PAXIP1: variants seen among roughly 807,000 people sequenced by gnomAD.
PAXIP1 encodes PAX-interacting protein 1.
A neutral mutation model predicts 140.6 loss-of-function variants in PAXIP1; 19 were observed. The ratio of observed to expected loss-of-function variants is 0.14; its 90% confidence interval spans 0.09 to 0.20. The LOEUF is 0.20. Ranked by LOEUF, PAXIP1 falls within the 10% of genes least tolerant of loss-of-function variation. PAXIP1 has a pLI of 1.00. For missense variants in PAXIP1, 920 were observed against 1,208.6 expected (o/e 0.76, Z 3.54); for synonymous variants, 442 against 444.6 (o/e 0.99, Z 0.07).
intron 13 of PAXIP1, among the ~76,000 whole-genome samples, chr7:154,958,285 T>C (rs1808617823): frequency 6.6e-6 from 1 of 152,250 alleles, no homozygotes; most frequent in Admixed American, 6.5e-5. Context: ...ATCTCCATTC[T>C]ACCCTATTCC....
chr7:154,945,858 A>C (rs1215832914), intron 20 of PAXIP1: 13 of 985,236 alleles, frequency 1.3e-5, no homozygotes, highest in African/African-American at 1.7e-5. Context: ...CTGAAATAGA[A>C]AAAAGCCTAG....
intron 14 of PAXIP1, 143 bp from the exon 15 acceptor site, chr7:154,955,774 T>C: frequency 3.8e-6 from 2 of 528,404 alleles, no homozygotes; most frequent in Admixed American, 3.8e-5. Context: ...TACAATGAGC[T>C]ATCTGTCCTT....
rs987417317 is a variant in PAXIP1, at chr7:154,963,323, G to C, written c.1989+348C>G. On this transcript the variant is annotated intron_variant, in intron 9 of 20. Coordinates refer to ENST00000404141, the MANE Select transcript of PAXIP1 (RefSeq NM_007349.4). The surrounding 1 kb of genome is among the most constrained non-coding windows in gnomAD (Gnocchi z 4.1). ...CCTGAGTAGCTGGGATTAGAGCTGC[G>C]CACCACCACACCTGGCTAATTTTTG... Among the ~76,000 whole-genome samples the C allele has an allele frequency of 1.3e-5, 2 of 152,038 alleles. No individual in the cohort carries two copies. Among genetic ancestry groups the C allele is most frequent in the South Asian group, 4.2e-4 (2 of 4,808 alleles).
chr7:155,002,215 T>C (rs1810939111), intron 1 of PAXIP1: 2 of 152,280 alleles, frequency 1.3e-5, no homozygotes, highest in Non-Finnish European at 2.9e-5. Flanking sequence ...TGTGATGGTG[T>C]TACCAGGGTA....
intron 4 of PAXIP1, among the ~76,000 whole-genome samples, chr7:154,990,496 G>C (rs2150781349): frequency 6.6e-6 from 1 of 152,180 alleles, no homozygotes; most frequent in South Asian, 2.1e-4. Context: ...CACCAACACT[G>C]AACACACTGT....
rs115039181 is a variant in PAXIP1, at chr7:154,959,855, G to C, written c.2478+35C>G. 1,217 of 1,428,320 alleles carry C rather than the reference G, an allele frequency of 8.5e-4. 8 individuals are homozygous for C. The African/African-American group carries it at 0.014, about 17-fold the overall frequency. 88.5% of individuals were successfully genotyped at this position (1,428,320 alleles called of 1,614,324 possible). A position where few individuals can be genotyped will look rare whatever the true frequency, so the allele number is the denominator to read the frequency against. On this transcript the variant is annotated intron_variant, in intron 13 of 20. Transcript: ENST00000404141. ...ATCCCTACTGCATCTTAATAATACA[G>C]TAATAGCCAAGGTAAGGTTATTAAT...
rs753190856 is a variant in PAXIP1 at position 154,991,029 on chromosome 7, CA to C, written c.300del (p.Phe100LeufsTer31). On this transcript the variant is annotated frameshift_variant, in exon 4 of 21. Coordinates refer to ENST00000404141, the MANE Select transcript of PAXIP1 (RefSeq NM_007349.4). LOFTEE classifies it high-confidence loss of function. ...ACCTGAGAAAGGCAGGCAGTGATTC[CA>C]AAAAAAATCTGACATGATTCTGGAG... ...GFSPESCQIF[F>X]GITACLSQVS... 140 of 1,541,976 alleles carry C rather than the reference CA, an allele frequency of 9.1e-5. No individual in the cohort carries two copies. The highest frequency in any genetic ancestry group is 3.6e-4 in the Admixed American group (18 of 50,020).
chr7:155,002,495 G>T (rs1019365818), intron 1 of PAXIP1, among the ~76,000 whole-genome samples: 87 of 151,734 alleles, frequency 5.7e-4, no homozygotes, highest in African/African-American at 1.9e-3. Context: ...CCGGCGCGGG[G>T]AATGGGGAGA....
At chr7:154,947,862 T>TA in intron 17 of PAXIP1, 41 bp downstream of exon 17, 1 of 1,390,874 alleles carries the variant, frequency 7.2e-7, no homozygotes, top group Non-Finnish European at 1.0e-6. Flanking sequence ...GTCCGTGTGT[T>TA]ATGCTTACTT....
At chr7:154,970,308 T>C (rs964518402) in intron 6 of PAXIP1, among the ~76,000 whole-genome samples, 1 of 152,224 alleles carries the variant, frequency 6.6e-6, no homozygotes, top group Admixed American at 6.5e-5. Context: ...CTCAAACATA[T>C]TCTAACATGT....
At chr7:154,976,954 A>C (rs1809609777) in intron 5 of PAXIP1, among the ~76,000 whole-genome samples, 1 of 152,244 alleles carries the variant, frequency 6.6e-6, no homozygotes, top group African/African-American at 2.4e-5. Flanking sequence ...CAAATACAAT[A>C]TAAAACCACT....
At chr7:154,960,428 G>A (rs1436597725) in intron 12 of PAXIP1, among the ~76,000 whole-genome samples, 1 of 152,232 alleles carries the variant, frequency 6.6e-6, no homozygotes, top group Non-Finnish European at 1.5e-5. Flanking sequence ...CTGTAGGGTA[G>A]GGAGCAATTT....
intron 2 of PAXIP1, among the ~76,000 whole-genome samples, chr7:154,995,249 G>A (rs1457486393): frequency 6.6e-6 from 1 of 152,332 alleles, no homozygotes; most frequent in African/African-American, 2.4e-5. Context: ...TGTGACCACA[G>A]GTGTGTTCTC....
At position 154,986,278 on chromosome 7, in the gene PAXIP1, G is replaced by C; in HGVS notation, c.325-2946C>G. On this transcript the variant is annotated intron_variant, in intron 4 of 20. Coordinates refer to ENST00000404141, the MANE Select transcript of PAXIP1 (RefSeq NM_007349.4). This position sits in a 1 kb window ranked among gnomAD's most constrained non-coding sequence, Gnocchi z 4.8. ...GGCGTGTGCATGTGAGTGTGTGTGCGCATGGGTGCTCCAGTGTGCAGAAAA... is the reference window on the plus strand; with the variant it reads ...GGCGTGTGCATGTGAGTGTGTGTGCCCATGGGTGCTCCAGTGTGCAGAAAA... 1.3e-6 allele frequency: 1 copy of C among 758,134 alleles called. No homozygotes were observed. The highest frequency in any genetic ancestry group is 1.9e-6 in the Non-Finnish European group (1 of 534,448). 47.0% of individuals were successfully genotyped at this position (758,134 alleles called of 1,614,324 possible). A position where few individuals can be genotyped will look rare whatever the true frequency, so the allele number is the denominator to read the frequency against.
chr7:154,983,546 T>C (rs376662000), intron 4 of PAXIP1: 7 of 372,962 alleles, frequency 1.9e-5, no homozygotes, highest in Non-Finnish European at 3.3e-5. Flanking sequence ...ATGAATTACT[T>C]ATTTTTGCCT....
rs185475478 is a variant in PAXIP1 at position 154,963,580 on chromosome 7, C to A, written c.1989+91G>T. On this transcript the variant is annotated intron_variant, in intron 9 of 20. Coordinates refer to ENST00000404141, the MANE Select transcript of PAXIP1 (RefSeq NM_007349.4). This position sits in a 1 kb window ranked among gnomAD's most constrained non-coding sequence, Gnocchi z 4.1. ...CTATCTTTAGAGGTAGAAAAAAGTT[C>A]TTTCCAAAAATAATAATCACTAGCA... 105 of 875,774 alleles carry A rather than the reference C, an allele frequency of 1.2e-4. No homozygotes were observed. The African/African-American group carries it at 1.5e-3, about 13-fold the overall frequency. The allele number at this position is 875,774 out of a possible 1,614,324, so 54.3% of individuals were successfully genotyped here.
At chr7:154,985,738 C>A (rs2150776304) in intron 4 of PAXIP1, among the ~76,000 whole-genome samples, 1 of 152,290 alleles carries the variant, frequency 6.6e-6, no homozygotes, top group East Asian at 1.9e-4. Context: ...GGCCTCACCA[C>A]CCCCAATAAG....
intron 2 of PAXIP1, among the ~76,000 whole-genome samples, chr7:154,995,614 C>T (rs907747647): frequency 3.9e-5 from 6 of 152,196 alleles, no homozygotes; most frequent in South Asian, 2.1e-4. Context: ...CTTTGGGAGG[C>T]CAAGGCGGGC....
chr7:154,975,725 G>T lies in PAXIP1; in HGVS notation c.1045C>A (p.Gln349Lys). 1 of 1,612,536 alleles carries T rather than the reference G, an allele frequency of 6.2e-7. No individual in the cohort carries two copies. Among genetic ancestry groups the T allele is most frequent in the Non-Finnish European group, 8.5e-7 (1 of 1,178,766 alleles). ...RNITNNADIQ[Q>K]MNRPSNVAHI... ...GCTACATTTGATGGCCGGTTCATCT[G>T]CTGAATGTCAGCATTATTAGTAATA... Residue 349 changes from glutamine (Q) to lysine (K), a missense_variant, in exon 6 of 21, where the codon CAG becomes AAG. By Grantham distance (53) the Gln-to-Lys change is moderately conservative. This residue lies in a region of PAXIP1 where 419 missense variants were observed against 514.7 expected (regional missense o/e 0.81). Coordinates refer to ENST00000404141, the MANE Select transcript of PAXIP1 (RefSeq NM_007349.4).
Sources: gnomAD v4.1 joint callset for allele counts (sites outside exome capture counted in the v4.1 genomes callset) on GRCh38, gnomAD v4.1.1 for gene constraint, gnomAD v4.1.1 regional missense constraint, Gnocchi (gnomAD v3.1) non-coding constraint, MANE v1.5 for transcripts, NCBI Gene and HGNC (gene_info 2026-07-23, HGNC 2026-07-21) for gene names.